Variants in PIP4K2B observed in about 807,000 individuals in gnomAD.
The protein encoded by PIP4K2B is phosphatidylinositol-5-phosphate 4-kinase type 2 beta.
In PIP4K2B, 3 loss-of-function variants were observed where a neutral mutation model predicts 42.0. That is an observed-to-expected ratio of 0.07 (90% confidence interval 0.03 to 0.18). The LOEUF (loss-of-function observed/expected upper bound fraction) is 0.18, where lower values mean the gene tolerates loss of function less well. PIP4K2B is among the 10% of genes least tolerant of loss of function. The pLI, the probability that PIP4K2B is intolerant of heterozygous loss-of-function variation, is 1.00. For missense variants in PIP4K2B, 332 were observed against 562.3 expected (o/e 0.59, Z 4.14); for synonymous variants, 204 against 210.1 (o/e 0.97, Z 0.25).
chr17:38,779,389 G>A lies in PIP4K2B; in HGVS notation c.648C>T (p.Asp216=). 1 of 1,610,552 alleles carries A rather than the reference G, an allele frequency of 6.2e-7. No homozygotes were observed. The highest frequency in any genetic ancestry group is 8.5e-7 in the Non-Finnish European group (1 of 1,178,256). ...SHRLTVHRKY[D]LKGSTVAREA... ...CAAACACAGAGCCCTTTACCTTGAGGTCATACTTGCGATGCACAGTGAGCC... is the reference window on the plus strand; with the variant it reads ...CAAACACAGAGCCCTTTACCTTGAGATCATACTTGCGATGCACAGTGAGCC... Residue 216 remains aspartate, a synonymous_variant, in exon 5 of 10, where the codon GAC becomes GAT. Coordinates refer to ENST00000619039, the MANE Select transcript of PIP4K2B (RefSeq NM_003559.5).
intron 1 of PIP4K2B, among the ~76,000 whole-genome samples, chr17:38,791,844 C>T (rs1004163373): frequency 6.6e-5 from 10 of 150,864 alleles, no homozygotes; most frequent in African/African-American, 2.2e-4. Flanking sequence ...AATTCCAGCA[C>T]TTTGGGAGGC....
Position 38,769,496 on chromosome 17 carries a change from T to C in PIP4K2B, c.*195A>G. On this transcript the variant is annotated 3_prime_UTR_variant, in exon 10 of 10. Transcript: ENST00000619039. ...GGTGGGGTTACATCCTGTGAGCAGG[T>C]GCACACACAGCACATCCCCCTCCTC... 1 of 611,342 alleles carries C rather than the reference T, an allele frequency of 1.6e-6. No individual in the cohort carries two copies. The highest frequency in any genetic ancestry group is 2.9e-6 in the Non-Finnish European group (1 of 339,736). 37.9% of individuals were successfully genotyped at this position (611,342 alleles called of 1,614,324 possible). A position where few individuals can be genotyped will look rare whatever the true frequency, so the allele number is the denominator to read the frequency against.
Position 38,799,308 on chromosome 17 carries a change from G to A in PIP4K2B, c.117C>T (p.Ser39=), listed in dbSNP as rs781182723. Residue 39 remains serine, a synonymous_variant, in exon 1 of 10, where the codon AGC becomes AGT. Coordinates refer to ENST00000619039, the MANE Select transcript of PIP4K2B (RefSeq NM_003559.5). This position sits in a 1 kb window ranked among gnomAD's most constrained non-coding sequence, Gnocchi z 4.4. ...ACATCAGGACGCTGAGGATCGGCTC[G>A]CTGGCCCGGAATAGCTTCACTTTCT... ...VCQKVKLFRA[S]EPILSVLMWG... is the part of the protein sequence containing the mutation. The A allele has an allele frequency of 6.0e-5, 96 of 1,606,718 alleles. No homozygotes were observed. The South Asian group carries it at 9.9e-4, about 16-fold the overall frequency.
chr17:38,777,063 A>G (rs1598046411), intron 7 of PIP4K2B, among the ~76,000 whole-genome samples: 1 of 151,776 alleles, frequency 6.6e-6, no homozygotes, highest in African/African-American at 2.4e-5. Flanking sequence ...TGCTTAGCCA[A>G]CTTTTTCGGT....
Position 38,799,301 on chromosome 17 carries a change from T to A in PIP4K2B, c.124A>T (p.Ile42Phe). Residue 42 changes from isoleucine to phenylalanine, a missense_variant, in exon 1 of 10, where the codon ATC becomes TTC. Transcript: ENST00000619039. The surrounding 1 kb of genome is among the most constrained non-coding windows in gnomAD (Gnocchi z 4.4). ...ACCCCCCACATCAGGACGCTGAGGATCGGCTCGCTGGCCCGGAATAGCTTC... is the reference window on the plus strand; with the variant it reads ...ACCCCCCACATCAGGACGCTGAGGAACGGCTCGCTGGCCCGGAATAGCTTC... ...KVKLFRASEPILSVLMWGVNH... is the reference protein window; with the variant it reads ...KVKLFRASEPFLSVLMWGVNH... The A allele has an allele frequency of 6.2e-7, 1 of 1,607,576 alleles. No homozygotes were observed. Among genetic ancestry groups the A allele is most frequent in the Non-Finnish European group, 8.5e-7 (1 of 1,177,524 alleles).
chr17:38,769,674 C>A lies in PIP4K2B; in HGVS notation c.*17G>T. Reference sequence around the variant, plus strand: ...CCCATATCCAGCTCTCTGGCTCTGGCTGAAGGTAGAAGAGAACTACGTCAG... The same window carrying A: ...CCCATATCCAGCTCTCTGGCTCTGGATGAAGGTAGAAGAGAACTACGTCAG... On this transcript the variant is annotated 3_prime_UTR_variant, in exon 10 of 10. Coordinates refer to ENST00000619039, the MANE Select transcript of PIP4K2B (RefSeq NM_003559.5). 1 of 1,406,964 alleles carries A rather than the reference C, an allele frequency of 7.1e-7. No individual in the cohort carries two copies. Among genetic ancestry groups the A allele is most frequent in the Non-Finnish European group, 1.0e-6 (1 of 990,846 alleles). The allele number at this position is 1,406,964 out of a possible 1,614,324, so 87.2% of individuals were successfully genotyped here.
Position 38,799,175 on chromosome 17 carries a change from C to G in PIP4K2B, c.159+91G>C. ...GCTTGGCGAGGGGTGGCAGGCGTCA[C>G]CGGCAGGGCCTGCGGGGCAAGGGCC... On this transcript the variant is annotated intron_variant, in intron 1 of 9. Transcript: ENST00000619039. The surrounding 1 kb of genome is among the most constrained non-coding windows in gnomAD (Gnocchi z 4.4). 1 of 1,355,210 alleles carries G rather than the reference C, an allele frequency of 7.4e-7. No homozygotes were observed. The highest frequency in any genetic ancestry group is 9.7e-7 in the Non-Finnish European group (1 of 1,034,148). The allele number at this position is 1,355,210 out of a possible 1,614,324, so 83.9% of individuals were successfully genotyped here. A position where few individuals can be genotyped will look rare whatever the true frequency, so the allele number is the denominator to read the frequency against.
At chr17:38,793,411 T>G (rs1910448179) in intron 1 of PIP4K2B, among the ~76,000 whole-genome samples, 1 of 151,342 alleles carries the variant, frequency 6.6e-6, no homozygotes, top group African/African-American at 2.4e-5. Context: ...GCCCGACTAA[T>G]TTTTGTATTT....
chr17:38,780,982 C>G (rs2143396703), intron 3 of PIP4K2B, among the ~76,000 whole-genome samples: 1 of 152,276 alleles, frequency 6.6e-6, no homozygotes, highest in East Asian at 1.9e-4. Context: ...TTTAACTTCT[C>G]TACCCCTGCA....
At position 38,779,527 on chromosome 17, in the gene PIP4K2B, A is replaced by G. The variant is rs1185238588; in HGVS notation, c.510T>C (p.Phe170=). Residue 170 remains phenylalanine (F), a splice_region_variant and synonymous_variant, in exon 5 of 10, where the codon TTT becomes TTC. Transcript: ENST00000619039. ...MHNILKKYHQ[F]IVECHGNTLL... is the part of the protein sequence containing the mutation. ...GCGTGTTGCCATGACACTCCACTATAAACTAGAATGGAAAGGAAGAAGAGA... is the reference window on the plus strand; with the variant it reads ...GCGTGTTGCCATGACACTCCACTATGAACTAGAATGGAAAGGAAGAAGAGA... The G allele has an allele frequency of 6.2e-7, 1 of 1,612,692 alleles. No individual in the cohort carries two copies. Among genetic ancestry groups the G allele is most frequent in the East Asian group, 2.2e-5 (1 of 44,858 alleles).
At chr17:38,772,946 AAGATCTCCTGT>A (rs1209957465) in intron 7 of PIP4K2B, among the ~76,000 whole-genome samples, 1 of 152,176 alleles carries the variant, frequency 6.6e-6, no homozygotes, top group African/African-American at 2.4e-5. Flanking sequence ...TGAGGTTGCT[AAGATCTCCTGT>A]AAGAACAAAT....
intron 2 of PIP4K2B, among the ~76,000 whole-genome samples, chr17:38,785,918 GTC>G (rs1909984332): frequency 6.6e-6 from 1 of 152,150 alleles, no homozygotes; most frequent in African/African-American, 2.4e-5. Context: ...CTTCTTTCTG[GTC>G]TCTGAGTTGA....
intron 7 of PIP4K2B, among the ~76,000 whole-genome samples, chr17:38,774,632 T>C (rs893851175): frequency 2.0e-5 from 3 of 151,672 alleles, no homozygotes; most frequent in East Asian, 2.0e-4. Context: ...TAGCTGGGCA[T>C]GGTGGTGGGC....
chr17:38,799,403 T>G lies in PIP4K2B; in HGVS notation c.22A>C (p.Thr8Pro), dbSNP rs763252397. The change falls in exon 1 of 10, where the codon ACC becomes CCC. Residue 8 changes from threonine to proline, a missense_variant. This residue lies in a region of PIP4K2B where 186 missense variants were observed against 288.4 expected (regional missense o/e 0.64). Transcript: ENST00000619039. The surrounding 1 kb of genome is among the most constrained non-coding windows in gnomAD (Gnocchi z 4.4). ...AGCGGCGCCACCGCCACCGCCGTGG[T>G]GCTGGTGCAGTTGGACGACATGCCC... The part of the protein sequence containing the change: MSSNCTS[T>P]TAVAVAPLSA... The G allele has an allele frequency of 6.2e-7, 1 of 1,602,760 alleles. No homozygotes were observed. The highest frequency in any genetic ancestry group is 2.3e-5 in the East Asian group (1 of 44,210).
chr17:38,788,945 C>CA (rs35436430), intron 1 of PIP4K2B, among the ~76,000 whole-genome samples: 28,918 of 133,756 alleles, frequency 0.22, 3,056 homozygotes, highest in Admixed American at 0.3. Context: ...GACTCTGTCT[C>CA]AAAAAAAAAA....
chr17:38,787,247 A>G (rs1165976880), intron 1 of PIP4K2B, among the ~76,000 whole-genome samples: 1 of 152,138 alleles, frequency 6.6e-6, no homozygotes, highest in Admixed American at 6.5e-5. Flanking sequence ...TCCTGAGCTC[A>G]AGCAATCCTC....
At chr17:38,775,961 G>C (rs1400963834) in intron 7 of PIP4K2B, 3 of 447,536 alleles carry the variant, frequency 6.7e-6, no homozygotes, top group Non-Finnish European at 1.3e-5. Flanking sequence ...GTCACAAAAG[G>C]ACAACTGCTG....
At chr17:38,778,908 G>A (rs1406940084) in intron 5 of PIP4K2B, among the ~76,000 whole-genome samples, 2 of 152,310 alleles carry the variant, frequency 1.3e-5, no homozygotes, top group East Asian at 3.9e-4. Context: ...AGGAGCACAG[G>A]CACTGCAGGA....
intron 5 of PIP4K2B, among the ~76,000 whole-genome samples, chr17:38,779,114 C>T (rs926998928): frequency 6.6e-6 from 1 of 152,236 alleles, no homozygotes; most frequent in Non-Finnish European, 1.5e-5. Flanking sequence ...TGCGTCAGCA[C>T]GGCCTCCCTC....
Sources: gnomAD v4.1 joint callset for allele counts (sites outside exome capture counted in the v4.1 genomes callset) on GRCh38, gnomAD v4.1.1 for gene constraint, gnomAD v4.1.1 regional missense constraint, Gnocchi (gnomAD v3.1) non-coding constraint, MANE v1.5 for transcripts, NCBI Gene and HGNC (gene_info 2026-07-23, HGNC 2026-07-21) for gene names.